Variants in CKAP5 observed in about 807,000 individuals in gnomAD.
CKAP5 encodes the protein cytoskeleton-associated protein 5.
Under a neutral mutation model 232.8 loss-of-function variants are expected in CKAP5, and 27 were observed. That is an observed-to-expected ratio of 0.12 (90% CI 0.09 to 0.16). CKAP5 has a LOEUF of 0.16. Among genes scored for constraint, CKAP5 ranks in the 10% least tolerant of loss-of-function variants. The pLI is 1.00. For synonymous variants in CKAP5, 785 were observed against 841.1 expected, an observed-to-expected ratio of 0.93 and a Z score of 1.16; for missense variants, 1,838 against 2,424.7, an observed-to-expected ratio of 0.76 and a Z score of 5.08.
chr11:46,796,980 T>C, intron 11 of CKAP5, 40 bp from the exon 12 acceptor site: 1 of 1,606,792 alleles, frequency 6.2e-7, no homozygotes, highest in Non-Finnish European at 8.5e-7. Flanking sequence ...TAATGCAAGG[T>C]ATTTTAGGCA....
At chr11:46,835,917 G>A (rs1163133955) in intron 1 of CKAP5, among the ~76,000 whole-genome samples, 1 of 152,130 alleles carries the variant, frequency 6.6e-6, no homozygotes, top group African/African-American at 2.4e-5. Context: ...ATGTCACATG[G>A]ATATCACAAA....
chr11:46,828,596 C>T (rs915469153), intron 1 of CKAP5, among the ~76,000 whole-genome samples: 1 of 152,190 alleles, frequency 6.6e-6, no homozygotes, highest in African/African-American at 2.4e-5. Flanking sequence ...TTTTCTGTTA[C>T]ATAGCATTCT....
At chr11:46,795,839 T>A in intron 12 of CKAP5, 63 bp from the exon 13 acceptor site, 1 of 1,372,598 alleles carries the variant, frequency 7.3e-7, no homozygotes, top group Non-Finnish European at 1.0e-6. Context: ...CACTACGTTA[T>A]TACATTTCTA....
intron 33 of CKAP5, among the ~76,000 whole-genome samples, chr11:46,760,068 T>G (rs1565720636): frequency 1.3e-5 from 2 of 152,234 alleles, no homozygotes; most frequent in Non-Finnish European, 2.9e-5. Flanking sequence ...AGGCAGTATT[T>G]TGAGTCCCTA....
chr11:46,819,640 G>A (rs191994139), intron 2 of CKAP5, among the ~76,000 whole-genome samples: 1 of 152,076 alleles, frequency 6.6e-6, no homozygotes, highest in Non-Finnish European at 1.5e-5. Flanking sequence ...TTTAATGTAA[G>A]TAAAAATGTA....
Position 46,770,946 on chromosome 11 carries a change from G to A in CKAP5, c.3028C>T (p.Arg1010Cys), listed in dbSNP as rs780302361. ...GWLAEKLPTL[R>C]STPTDLILCV... ...AGGATAAGGTCTGTAGGGGTGGAAC[G>A]AAGAGTAGGTAGTTTCTCAGCCAGC... The change falls in exon 25 of 44, where the codon CGT (arginine) becomes TGT (cysteine). Residue 1010 changes from arginine to cysteine, a missense_variant. Physicochemically the swap from Arg to Cys is radical, Grantham distance 180 (BLOSUM62 -3). Transcript: ENST00000529230. 2.5e-6 allele frequency: 4 copies of A among 1,613,702 alleles called. No homozygotes were observed. Among genetic ancestry groups the A allele is most frequent in the East Asian group, 2.2e-5 (1 of 44,898 alleles).
At chr11:46,823,929 T>TA in intron 1 of CKAP5, among the ~76,000 whole-genome samples, 1 of 152,352 alleles carries the variant, frequency 6.6e-6, no homozygotes, top group South Asian at 2.1e-4. Context: ...TTTCAATAAA[T>TA]ATTTGTTTAT....
At chr11:46,797,719 A>G in intron 11 of CKAP5, 86 bp downstream of exon 11, 1 of 1,335,678 alleles carries the variant, frequency 7.5e-7, no homozygotes, top group Non-Finnish European at 1.0e-6. Flanking sequence ...ATAGTCTGAA[A>G]GTCAAGTAGT....
Position 46,751,442 on chromosome 11 carries a change from G to T in CKAP5, c.5226C>A (p.Val1742=). ...ILLDIHIFMK[V]FPKEKLKQCK... Reference sequence around the variant, plus strand: ...ATTGCTTCAGTTTCTCTTTGGGGAAGACCTTCATGAAAATGTGGATATCCA... The same window carrying T: ...ATTGCTTCAGTTTCTCTTTGGGGAATACCTTCATGAAAATGTGGATATCCA... The change falls in exon 39 of 44, where the codon GTC becomes GTA. Residue 1742 remains valine, a synonymous_variant. Coordinates refer to ENST00000529230, the MANE Select transcript of CKAP5 (RefSeq NM_001008938.4). 1.2e-6 allele frequency: 2 copies of T among 1,614,038 alleles called. No individual in the cohort carries two copies. The highest frequency in any genetic ancestry group is 1.7e-6 in the Non-Finnish European group (2 of 1,179,910).
At chr11:46,756,458 TTAAGAG>T (rs1460758601) in intron 35 of CKAP5, among the ~76,000 whole-genome samples, 1 of 152,204 alleles carries the variant, frequency 6.6e-6, no homozygotes, top group Non-Finnish European at 1.5e-5. Flanking sequence ...CCTGAATCAT[TTAAGAG>T]TAAGTTGTCA....
chr11:46,843,134 G>A (rs1427945450), intron 1 of CKAP5, among the ~76,000 whole-genome samples: 4 of 151,742 alleles, frequency 2.6e-5, no homozygotes, highest in African/African-American at 4.8e-5. Flanking sequence ...ACCATTAAGG[G>A]GTTCCAAACA....
chr11:46,743,876 T>G lies in CKAP5; in HGVS notation c.*147A>C, dbSNP rs571255460. 260 of 939,846 alleles carry G rather than the reference T, an allele frequency of 2.8e-4. 1 individual carries two copies. In the African/African-American group the frequency reaches 4.1e-3, roughly 15 times the overall value. 58.2% of individuals were successfully genotyped at this position (939,846 alleles called of 1,614,324 possible). A position where few individuals can be genotyped will look rare whatever the true frequency, so the allele number is the denominator to read the frequency against. ...GAGAAGCAGAGTATGTACAAATACTTGTGCCACAATGACTCCTCCCCCTAG... is the reference window on the plus strand; with the variant it reads ...GAGAAGCAGAGTATGTACAAATACTGGTGCCACAATGACTCCTCCCCCTAG... On this transcript the variant is annotated 3_prime_UTR_variant, in exon 44 of 44. Coordinates refer to ENST00000529230, the MANE Select transcript of CKAP5 (RefSeq NM_001008938.4).
At chr11:46,784,092 G>C (rs1021077739) in intron 17 of CKAP5, among the ~76,000 whole-genome samples, 1 of 151,912 alleles carries the variant, frequency 6.6e-6, no homozygotes, top group African/African-American at 2.4e-5. Flanking sequence ...CAAAGGGCCG[G>C]GCATGGTGGC....
intron 13 of CKAP5, among the ~76,000 whole-genome samples, chr11:46,795,229 A>G: frequency 6.6e-6 from 1 of 151,576 alleles, no homozygotes; most frequent in Non-Finnish European, 1.5e-5. Flanking sequence ...CTGGGGGGCT[A>G]AGGCAGGAGG....
intron 8 of CKAP5, among the ~76,000 whole-genome samples, chr11:46,803,674 C>T (rs1939088167): frequency 6.6e-6 from 1 of 152,134 alleles, no homozygotes. Flanking sequence ...AAAGTTTTTG[C>T]TCCTTTTATT....
At chr11:46,809,983 T>C (rs1939239760) in intron 5 of CKAP5, 109 bp from the exon 6 acceptor site, 1 of 1,111,144 alleles carries the variant, frequency 9.0e-7, no homozygotes. Flanking sequence ...TTCTTTTTTT[T>C]TTATTGGAGA....
At position 46,750,652 on chromosome 11, in the gene CKAP5, A is replaced by G. The variant is rs375442272; in HGVS notation, c.5461-41T>C. On this transcript the variant is annotated intron_variant, in intron 40 of 43. Transcript: ENST00000529230. ...ACATAGGAAGAATTGGTTAGACTTG[A>G]GTTATTAATTAGGAACTGATGGTTG... 61 of 1,494,902 alleles carry G rather than the reference A, an allele frequency of 4.1e-5. No homozygotes were observed. In the African/African-American group the frequency reaches 8.3e-4, roughly 20 times the overall value. The allele number at this position is 1,494,902 out of a possible 1,614,324, so 92.6% of individuals were successfully genotyped here.
At chr11:46,810,923 A>G (rs796090154) in intron 5 of CKAP5, 84 bp downstream of exon 5, 7 of 1,193,086 alleles carry the variant, frequency 5.9e-6, no homozygotes, top group South Asian at 5.4e-5. Flanking sequence ...AATTATTTTT[A>G]AGGACAGAAT....
At position 46,821,284 on chromosome 11, in the gene CKAP5, T is replaced by C. The variant is rs1592481656; in HGVS notation, c.-37-16A>G. The stretch of plus-strand genomic sequence containing the variant: ...AGAGTATTTCCTGGTCAGATAAAGG[T>C]AGAAACCTGCTTAGCAACCAGGCAG... On this transcript the variant is annotated splice_polypyrimidine_tract_variant and intron_variant, in intron 1 of 43. Coordinates refer to ENST00000529230, the MANE Select transcript of CKAP5 (RefSeq NM_001008938.4). 2 of 1,321,954 alleles carry C rather than the reference T, an allele frequency of 1.5e-6. No individual in the cohort carries two copies. The highest frequency in any genetic ancestry group is 1.2e-5 in the South Asian group (1 of 81,660). 81.9% of individuals were successfully genotyped at this position (1,321,954 alleles called of 1,614,324 possible).
Sources: gnomAD v4.1 joint callset for allele counts (sites outside exome capture counted in the v4.1 genomes callset) on GRCh38, gnomAD v4.1.1 for gene constraint, MANE v1.5 for transcripts, NCBI Gene and HGNC (gene_info 2026-07-23, HGNC 2026-07-21) for gene names.